Variants in UBAP2 observed in about 807,000 individuals in gnomAD.
UBAP2 encodes ubiquitin-associated protein 2.
In UBAP2, 75 loss-of-function variants were observed where a neutral mutation model predicts 139.6. The observed-to-expected ratio is 0.54, with a 90% confidence interval of 0.45 to 0.65. The LOEUF is 0.65. Ranked by LOEUF, UBAP2 falls within the 30% of genes least tolerant of loss-of-function variation. UBAP2 has a pLI of 0.00. For missense variants in UBAP2, 1,368 were observed against 1,369.6 expected (o/e 1.00, Z 0.02); for synonymous variants, 526 against 526.2 (o/e 1.00, Z 0.01).
chr9:33,993,076 T>C (rs1291502628), intron 4 of UBAP2, among the ~76,000 whole-genome samples: 1 of 152,200 alleles, frequency 6.6e-6, no homozygotes, highest in Admixed American at 6.5e-5. Context: ...CAACCAAACA[T>C]TATGATGAAA....
intron 3 of UBAP2, chr9:33,998,577 T>C (rs1822402797): frequency 2.0e-6 from 1 of 498,596 alleles, no homozygotes; most frequent in Admixed American, 3.6e-5. Context: ...AGAAAGATTA[T>C]ATTGTAAGGC....
At chr9:33,924,739 A>C (rs1823272628) in intron 22 of UBAP2, among the ~76,000 whole-genome samples, 1 of 152,210 alleles carries the variant, frequency 6.6e-6, no homozygotes. Flanking sequence ...GCACGGGAAT[A>C]AGCAGGACCC....
At position 33,923,912 on chromosome 9, in the gene UBAP2, G is replaced by A. The variant is rs997817421; in HGVS notation, c.2679C>T (p.Thr893=). 6.2e-7 allele frequency: 1 copy of A among 1,614,214 alleles called. No homozygotes were observed. Among genetic ancestry groups the A allele is most frequent in the Admixed American group, 1.7e-5 (1 of 60,032 alleles). Reference sequence around the variant, plus strand: ...CGAAGGGCTGCTGGGCTGTGTGGTGGGTCTGTGATTGGCTCTGCTGTGGCT... The same window carrying A: ...CGAAGGGCTGCTGGGCTGTGTGGTGAGTCTGTGATTGGCTCTGCTGTGGCT... ...PAQPQQSQSQ[T]HHTAQQPFVN... is the part of the protein sequence containing the mutation. Residue 893 remains threonine (T), a synonymous_variant, in exon 24 of 29, where the codon ACC becomes ACT. Transcript: ENST00000379238.
At chr9:33,960,985 C>T in intron 9 of UBAP2, 107 bp from the exon 10 acceptor site, 1 of 990,432 alleles carries the variant, frequency 1.0e-6, no homozygotes, top group Non-Finnish European at 1.6e-6. Flanking sequence ...ATACATACGC[C>T]TCACTAGCAA....
Position 34,044,119 on chromosome 9 carries a change from C to T in UBAP2, c.-42+4706G>A, listed in dbSNP as rs1384341423. Among the ~76,000 whole-genome samples the T allele has an allele frequency of 7.6e-5, 11 of 144,598 alleles. No homozygotes were observed. The East Asian group carries it at 1.9e-3, about 24-fold the overall frequency. The allele number at this position is 144,598 out of a possible 152,430, so 94.9% of individuals were successfully genotyped here. ...AAAAAAAAAAAAAAAAAAAATTAGC[C>T]GGGCGCGGTGACTCACGCCTGTAAT... On this transcript the variant is annotated intron_variant, in intron 1 of 28. Coordinates refer to ENST00000379238, the MANE Select transcript of UBAP2 (RefSeq NM_001370062.2).
intron 1 of UBAP2, among the ~76,000 whole-genome samples, chr9:34,045,338 T>C (rs1827481040): frequency 6.7e-6 from 1 of 148,936 alleles, no homozygotes; most frequent in Admixed American, 6.7e-5. Flanking sequence ...AGTGAGACTG[T>C]CTTCAAAAAA....
In UBAP2 at chr9:33,996,291, C is replaced by T; in HGVS notation, c.220G>A (p.Ala74Thr). Residue 74 changes from alanine to threonine, a missense_variant, in exon 4 of 29, where the codon GCC becomes ACC. Coordinates refer to ENST00000379238, the MANE Select transcript of UBAP2 (RefSeq NM_001370062.2). ...TGKNQDECIV[A>T]LHDCNGDVNK... ...ACATCTCCATTACAATCATGTAGGG[C>T]CACTATGCATTCATCCTGATTTTTC... 1 of 1,613,656 alleles carries T rather than the reference C, an allele frequency of 6.2e-7. No individual in the cohort carries two copies. Among genetic ancestry groups the T allele is most frequent in the Non-Finnish European group, 8.5e-7 (1 of 1,179,938 alleles).
intron 13 of UBAP2, among the ~76,000 whole-genome samples, chr9:33,947,895 C>T: frequency 6.6e-6 from 1 of 150,414 alleles, no homozygotes; most frequent in East Asian, 1.9e-4. Context: ...CATCTATAAT[C>T]CCAGTTACTC....
At chr9:33,942,081 AG>A (rs1212494871) in intron 15 of UBAP2, among the ~76,000 whole-genome samples, 1 of 152,096 alleles carries the variant, frequency 6.6e-6, no homozygotes, top group Non-Finnish European at 1.5e-5. Context: ...TGAGAGGCAG[AG>A]GTGGGCGGAT....
intron 16 of UBAP2, among the ~76,000 whole-genome samples, chr9:33,937,662 C>T (rs538059507): frequency 3.7e-4 from 54 of 147,608 alleles, no homozygotes; most frequent in African/African-American, 1.2e-3. Flanking sequence ...AATCCTGGCA[C>T]GTTGGGCAGC....
In UBAP2 at chr9:33,971,741, C is replaced by T. The variant is rs769882861; in HGVS notation, c.589G>A (p.Ala197Thr). ...STQGMGTFNP[A>T]DYSDSTSTDV... ...GTAGATGTAGAATCTGAATAGTCTG[C>T]AGGATTAAATGTCCTGGGGTTTGAA... Residue 197 changes from alanine to threonine, a missense_variant, in exon 8 of 29, where the codon GCA (alanine) becomes ACA (threonine). Physicochemically the swap from Ala to Thr is moderately conservative, Grantham distance 58. Coordinates refer to ENST00000379238, the MANE Select transcript of UBAP2 (RefSeq NM_001370062.2). 3.1e-6 allele frequency: 5 copies of T among 1,604,504 alleles called. No homozygotes were observed. The highest frequency in any genetic ancestry group is 4.5e-5 in the East Asian group (2 of 44,796).
chr9:33,969,503 C>T (rs984877258), intron 8 of UBAP2, among the ~76,000 whole-genome samples: 1 of 151,606 alleles, frequency 6.6e-6, no homozygotes, highest in East Asian at 1.9e-4. Flanking sequence ...GAGCTATGAT[C>T]ACACTACTGC....
At chr9:33,992,716 A>AG (rs1417748286) in intron 4 of UBAP2, among the ~76,000 whole-genome samples, 8 of 152,264 alleles carry the variant, frequency 5.3e-5, no homozygotes, top group Non-Finnish European at 1.0e-4. Flanking sequence ...ACAATACCAT[A>AG]GTAACTGCTA....
chr9:34,028,360 T>TATTATTTATTTATTTA lies in UBAP2; in HGVS notation c.-41-11172_-41-11171insTAAATAAATAAATAAT, dbSNP rs1248869705. ...CCTGCTAATTCAGCTGTAAACCCTGTCTTATTTATTTATTTATTTATTTAT... is the reference window on the plus strand; with the variant it reads ...CCTGCTAATTCAGCTGTAAACCCTGTATTATTTATTTATTTACTTATTTATTTATTTATTTATTTAT... On this transcript the variant is annotated intron_variant, in intron 1 of 28. Coordinates refer to ENST00000379238, the MANE Select transcript of UBAP2 (RefSeq NM_001370062.2). Among the ~76,000 whole-genome samples, 15 of 78,514 alleles carry TATTATTTATTTATTTA rather than the reference T, an allele frequency of 1.9e-4. No individual in the cohort carries two copies. In the East Asian group the frequency reaches 7.6e-3, roughly 40 times the overall value. 51.5% of individuals were successfully genotyped at this position (78,514 alleles called of 152,430 possible). A position where few individuals can be genotyped will look rare whatever the true frequency, so the allele number is the denominator to read the frequency against.
In UBAP2 at chr9:33,989,114, T is replaced by C; in HGVS notation, c.301A>G (p.Thr101Ala). 3 of 1,612,344 alleles carry C rather than the reference T, an allele frequency of 1.9e-6. No individual in the cohort carries two copies. The highest frequency in any genetic ancestry group is 2.5e-6 in the Non-Finnish European group (3 of 1,179,522). ...EGNSDTTSWE[T>A]VGCKKKNFAK... ...AAATTCTTTTTCTTACACCCTACAGTCTCCCATGAAGTCTATCAGAGAGAA... is the reference window on the plus strand; with the variant it reads ...AAATTCTTTTTCTTACACCCTACAGCCTCCCATGAAGTCTATCAGAGAGAA... Residue 101 changes from threonine to alanine, a missense_variant, in exon 5 of 29, where the codon ACT (threonine) becomes GCT (alanine). Physicochemically the swap from Thr to Ala is moderately conservative, Grantham distance 58 (BLOSUM62 0). Coordinates refer to ENST00000379238, the MANE Select transcript of UBAP2 (RefSeq NM_001370062.2).
At chr9:33,938,759 G>A (rs1275559821) in intron 16 of UBAP2, 5 of 345,140 alleles carry the variant, frequency 1.4e-5, no homozygotes, top group African/African-American at 9.5e-5. Flanking sequence ...TCACGCCATT[G>A]CACTCCAGCC....
At chr9:33,935,914 C>T in intron 16 of UBAP2, 36 bp from the exon 17 acceptor site, 4 of 1,598,222 alleles carry the variant, frequency 2.5e-6, no homozygotes, top group Non-Finnish European at 3.4e-6. Flanking sequence ...TATAAACTTA[C>T]AAAATGAAAT....
chr9:34,014,625 T>C (rs1824084795), intron 2 of UBAP2, among the ~76,000 whole-genome samples: 1 of 151,538 alleles, frequency 6.6e-6, no homozygotes, highest in African/African-American at 2.4e-5. Flanking sequence ...GGAGACTCCA[T>C]CTCGAAGAAA....
chr9:33,942,942 G>A (rs1825362919), intron 15 of UBAP2, among the ~76,000 whole-genome samples: 1 of 152,046 alleles, frequency 6.6e-6, no homozygotes, highest in African/African-American at 2.4e-5. Flanking sequence ...CTCTACTCCT[G>A]GGATATACAT....
Sources: gnomAD v4.1 joint callset for allele counts (sites outside exome capture counted in the v4.1 genomes callset) on GRCh38, gnomAD v4.1.1 for gene constraint, MANE v1.5 for transcripts, NCBI Gene and HGNC (gene_info 2026-07-23, HGNC 2026-07-21) for gene names.